Variants in SMG1 observed in about 807,000 individuals in gnomAD.
SMG1 encodes the protein serine/threonine-protein kinase SMG1.
A neutral mutation model predicts 419.9 loss-of-function variants in SMG1; 22 were observed. That is an observed-to-expected ratio of 0.05 (90% CI 0.04 to 0.07). The LOEUF is 0.07. Among genes scored for constraint, SMG1 ranks in the 10% least tolerant of loss-of-function variants. The probability of loss-of-function intolerance (pLI) is 1.00; values close to 1 mark genes in which losing one functional copy is unlikely to be tolerated. For missense variants in SMG1, 3,185 were observed against 4,342.0 expected (o/e 0.73, Z 7.49); for synonymous variants, 1,538 against 1,553.5 (o/e 0.99, Z 0.23).
chr16:18,906,987 T>C (rs1278079117), intron 1 of SMG1, among the ~76,000 whole-genome samples: 5 of 152,346 alleles, frequency 3.3e-5, no homozygotes, highest in Admixed American at 3.3e-4. Flanking sequence ...GTGAAACTCC[T>C]TTTTTAAAAA....
At chr16:18,848,900 G>C (rs555914567) in intron 36 of SMG1, among the ~76,000 whole-genome samples, 1 of 151,260 alleles carries the variant, frequency 6.6e-6, no homozygotes, top group Non-Finnish European at 1.5e-5. Context: ...GTGAAACCCC[G>C]ACTCTACTGA....
chr16:18,895,250 C>T (rs994588302), intron 3 of SMG1, among the ~76,000 whole-genome samples: 16 of 151,880 alleles, frequency 1.1e-4, no homozygotes, highest in Non-Finnish European at 1.8e-4. Context: ...GTAATGAGCA[C>T]GCGTGATCAC....
chr16:18,923,213 T>C (rs911449699), intron 1 of SMG1, among the ~76,000 whole-genome samples: 7 of 152,314 alleles, frequency 4.6e-5, no homozygotes, highest in Admixed American at 2.0e-4. Context: ...CCATAAGACA[T>C]TCACGTATAC....
At chr16:18,892,726 C>T (rs1182628014) in intron 3 of SMG1, among the ~76,000 whole-genome samples, 1 of 152,078 alleles carries the variant, frequency 6.6e-6, no homozygotes, top group African/African-American at 2.4e-5. Context: ...GAGCAAGACC[C>T]TCTCTCAAAA....
chr16:18,882,385 A>T, intron 9 of SMG1, 47 bp from the exon 10 acceptor site: 1 of 1,104,250 alleles, frequency 9.1e-7, no homozygotes, highest in Non-Finnish European at 1.2e-6. Context: ...CATTGTTTTA[A>T]ATAAAAAAAA....
At position 18,876,220 on chromosome 16, in the gene SMG1, C is replaced by A. The variant is rs771856682; in HGVS notation, c.1794G>T (p.Lys598Asn). ...ACSEIKHEAFKNHVFNVDNAK... is the reference protein window; with the variant it reads ...ACSEIKHEAFNNHVFNVDNAK... ...CATTGTCTACATTGAACACATGATT[C>A]TTAAAAGCCTCATGTTTTATTTCAG... The change falls in exon 13 of 63, where the codon AAG becomes AAT. Residue 598 changes from lysine (K) to asparagine (N), a missense_variant. Transcript: ENST00000446231. 1.2e-6 allele frequency: 2 copies of A among 1,611,776 alleles called. No individual in the cohort carries two copies.
At chr16:18,900,546 T>C (rs919964909) in intron 1 of SMG1, among the ~76,000 whole-genome samples, 19 of 152,352 alleles carry the variant, frequency 1.2e-4, no homozygotes, top group Middle Eastern at 3.4e-3. Flanking sequence ...TACTAGGAAG[T>C]ATTTCCATAA....
At chr16:18,878,620 A>AT (rs61627010) in intron 11 of SMG1, 1 of 150,410 alleles carries the variant, frequency 6.6e-6, no homozygotes, top group African/African-American at 2.5e-5. Context: ...AAAAAAAAAA[A>AT]GAAAAGAAAA....
At chr16:18,884,014 C>A (rs1013680865) in intron 9 of SMG1, 56 bp downstream of exon 9, 7 of 658,434 alleles carry the variant, frequency 1.1e-5, no homozygotes, top group African/African-American at 1.9e-5. Context: ...AAATCTAGCA[C>A]AATTTAAGAT....
chr16:18,829,616 C>T lies in SMG1; in HGVS notation c.9273G>A (p.Arg3091=), dbSNP rs1316410011. 2 of 1,613,818 alleles carry T rather than the reference C, an allele frequency of 1.2e-6. No individual in the cohort carries two copies. Among genetic ancestry groups the T allele is most frequent in the East Asian group, 2.2e-5 (1 of 44,894 alleles). The change falls in exon 54 of 63, where the codon AGG becomes AGA. Residue 3091 remains arginine, a synonymous_variant. Transcript: ENST00000446231. Reference sequence around the variant, plus strand: ...GGTTGGGTAGCCCTATCAAGAGCTGCCTCACAAAGTCAGCTGTGAATGCCT... The same window carrying T: ...GGTTGGGTAGCCCTATCAAGAGCTGTCTCACAAAGTCAGCTGTGAATGCCT... ...PIKAFTADFV[R]QLLIGLPNQA... is the part of the protein sequence containing the mutation.
chr16:18,900,385 C>T (rs896344479), intron 1 of SMG1, among the ~76,000 whole-genome samples: 3 of 152,096 alleles, frequency 2.0e-5, no homozygotes, highest in Non-Finnish European at 4.4e-5. Flanking sequence ...TTTCAAATGA[C>T]CAGAATCCTT....
Position 18,895,701 on chromosome 16 carries a change from AAGAC to A in SMG1, c.412+347_412+350del, listed in dbSNP as rs770541406. Among the ~76,000 whole-genome samples, 326 of 150,566 alleles carry A rather than the reference AAGAC, an allele frequency of 2.2e-3. 1 individual carries two copies. The highest frequency in any genetic ancestry group is 3.5e-3 in the Non-Finnish European group (235 of 67,570). On this transcript the variant is annotated intron_variant, in intron 3 of 62. Transcript: ENST00000446231. ...CTGAACTTAAAAGAGAAAAAAAAAAAAGACAGAAAAGTACCCCCTCTCTATATAT... is the reference window on the plus strand; with the variant it reads ...CTGAACTTAAAAGAGAAAAAAAAAAAAGAAAAGTACCCCCTCTCTATATAT...
intron 25 of SMG1, among the ~76,000 whole-genome samples, chr16:18,862,655 C>A (rs900937074): frequency 2.0e-5 from 3 of 152,160 alleles, no homozygotes; most frequent in Admixed American, 6.5e-5. Flanking sequence ...ACTTGCCCCC[C>A]ACCTCCAGTC....
At chr16:18,836,591 T>C in intron 46 of SMG1, 59 bp from the exon 47 acceptor site, 2 of 1,570,168 alleles carry the variant, frequency 1.3e-6, no homozygotes, top group South Asian at 1.2e-5. Flanking sequence ...TCCACATACT[T>C]TCCTACCCTG....
At chr16:18,846,297 G>A (rs77824967) in intron 38 of SMG1, among the ~76,000 whole-genome samples, 2,531 of 152,200 alleles carry the variant, frequency 0.017, 42 homozygotes, top group Non-Finnish European at 0.026. Context: ...AAACATAAGG[G>A]AAAGGTTTCA....
intron 3 of SMG1, among the ~76,000 whole-genome samples, chr16:18,895,194 CTT>C (rs529950946): frequency 1.2e-4 from 18 of 152,146 alleles, no homozygotes; most frequent in Non-Finnish European, 2.2e-4. Context: ...GTGTATTTAA[CTT>C]TAGAAAAGTG....
chr16:18,883,921 A>AT (rs1221493518), intron 9 of SMG1, 149 bp downstream of exon 9: 1 of 318,194 alleles, frequency 3.1e-6, no homozygotes, highest in Non-Finnish European at 6.0e-6. Flanking sequence ...TCCATCTCAA[A>AT]AAAAAAAAAA....
Position 18,828,057 on chromosome 16 carries a change from T to C in SMG1, c.9715A>G (p.Ile3239Val), listed in dbSNP as rs2032878289. The change falls in exon 55 of 63, where the codon ATT becomes GTT. Residue 3239 changes from isoleucine (I) to valine (V), a missense_variant. Transcript: ENST00000446231. Reference sequence around the variant, plus strand: ...TGAACTGTTGCAATAGAAGTTTCAATCTGGCTCAGGGTATGCAGCTTCTTT... The same window carrying C: ...TGAACTGTTGCAATAGAAGTTTCAACCTGGCTCAGGGTATGCAGCTTCTTT... ...MKKKLHTLSQ[I>V]ETSIATVQEK... The C allele has an allele frequency of 6.2e-7, 1 of 1,612,778 alleles. No individual in the cohort carries two copies.
intron 25 of SMG1, 97 bp downstream of exon 25, chr16:18,863,553 T>C: frequency 9.1e-7 from 1 of 1,094,150 alleles, no homozygotes; most frequent in Non-Finnish European, 1.4e-6. Context: ...AACCATTTTG[T>C]ATTACTACAT....
Sources: allele counts gnomAD v4.1 joint callset (sites outside exome capture counted in the v4.1 genomes callset), GRCh38; gene constraint gnomAD v4.1.1; transcripts MANE v1.5; gene names NCBI Gene and HGNC (gene_info 2026-07-23, HGNC 2026-07-21).